CNIH3: variants seen among roughly 807,000 people sequenced by gnomAD.
CNIH3 encodes the protein cornichon family AMPA receptor auxiliary protein 3, also known as protein cornichon homolog 3.
CNIH3 carries 14 observed loss-of-function variants against 24.1 expected under a neutral mutation model. That is an observed-to-expected ratio of 0.58 (90% confidence interval 0.38 to 0.91). The LOEUF (loss-of-function observed/expected upper bound fraction) is 0.91, where lower values mean the gene tolerates loss of function less well. CNIH3 is among the 40% of genes least tolerant of loss of function. The pLI is 0.00. For synonymous variants in CNIH3, 68 were observed against 73.8 expected, an observed-to-expected ratio of 0.92 and a Z score of 0.40; for missense variants, 178 against 196.8, an observed-to-expected ratio of 0.90 and a Z score of 0.57.
intron 3 of CNIH3, among the ~76,000 whole-genome samples, chr1:224,694,519 G>A (rs972563081): frequency 4.6e-5 from 7 of 152,178 alleles, no homozygotes; most frequent in African/African-American, 1.7e-4. Flanking sequence ...CTAGGTCACG[G>A]TGCCTAGATA....
At chr1:224,449,570 A>T (rs1319465146) in intron 1 of CNIH3, among the ~76,000 whole-genome samples, 1 of 151,940 alleles carries the variant, frequency 6.6e-6, no homozygotes, top group Non-Finnish European at 1.5e-5. Context: ...ATCATAGCTC[A>T]CTGCTGGCTT....
At chr1:224,580,771 G>A (rs1204402998) in intron 4 of CNIH3, among the ~76,000 whole-genome samples, 1 of 151,070 alleles carries the variant, frequency 6.6e-6, no homozygotes, top group Non-Finnish European at 1.5e-5. Context: ...AGGTTGCAGT[G>A]GCCACAGCCT....
intron 1 of CNIH3, among the ~76,000 whole-genome samples, chr1:224,659,009 A>G (rs1274076466): frequency 6.6e-6 from 1 of 152,228 alleles, no homozygotes; most frequent in African/African-American, 2.4e-5. Flanking sequence ...CTGGCCTTGC[A>G]TCAGTGTGCT....
chr1:224,653,811 G>A (rs564380743), intron 1 of CNIH3, among the ~76,000 whole-genome samples: 2 of 152,346 alleles, frequency 1.3e-5, no homozygotes, highest in East Asian at 3.9e-4. Flanking sequence ...TGGGCATAGT[G>A]GTGCACACCT....
At chr1:224,541,379 T>C (rs556617466), downstream of CNIH3, among the ~76,000 whole-genome samples, 1 of 152,268 alleles carries the variant, frequency 6.6e-6, no homozygotes, top group African/African-American at 2.4e-5. Context: ...AGGCTTATCA[T>C]ACATGATTAG....
In CNIH3 at chr1:224,711,208, C is replaced by G. The variant is rs139617181; in HGVS notation, c.199-19254C>G. On this transcript the variant is annotated intron_variant, in intron 3 of 5. Coordinates refer to ENST00000272133, the MANE Select transcript of CNIH3 (RefSeq NM_152495.2). Reference sequence around the variant, plus strand: ...AATTAATAACACATTTGTGAGCCATCTACTATCCTTTTTGAAACAAAATGG... The same window carrying G: ...AATTAATAACACATTTGTGAGCCATGTACTATCCTTTTTGAAACAAAATGG... Among the ~76,000 whole-genome samples, 946 of 152,326 alleles carry G rather than the reference C, an allele frequency of 6.2e-3. 31 individuals carry two copies. The highest frequency in any genetic ancestry group is 0.043 in the Admixed American group (658 of 15,304).
At chr1:224,733,388 C>T (rs1394552739) in intron 4 of CNIH3, among the ~76,000 whole-genome samples, 1 of 152,212 alleles carries the variant, frequency 6.6e-6, no homozygotes. Flanking sequence ...ACCACAGTGA[C>T]AGCAAATAGC....
chr1:224,634,155 G>A (rs1445481884), intron 1 of CNIH3, among the ~76,000 whole-genome samples: 1 of 152,242 alleles, frequency 6.6e-6, no homozygotes, highest in Non-Finnish European at 1.5e-5. Context: ...TGGAGGCAGT[G>A]CAGCATGCTT....
In CNIH3 at chr1:224,543,633, G is replaced by C. The variant is rs75724692; in HGVS notation, n.340-3196G>C. On this transcript the variant is annotated intron_variant and non_coding_transcript_variant, in intron 2 of 5. Coordinates refer to the CNIH3 transcript ENST00000471578. ...CACCACCTGCTTAGCACTTCCAAAT[G>C]GTTTTTATTAGACCAGAATAAAACA... Among the ~76,000 whole-genome samples the C allele has an allele frequency of 1.1e-3, 173 of 152,244 alleles. 2 individuals are homozygous for C. In the East Asian group the frequency reaches 0.028, roughly 25 times the overall value.
At chr1:224,724,800 C>G (rs1688929198) in intron 3 of CNIH3, among the ~76,000 whole-genome samples, 2 of 152,054 alleles carry the variant, frequency 1.3e-5, no homozygotes, top group Non-Finnish European at 2.9e-5. Flanking sequence ...AGTCAGGAGA[C>G]TGAATTGAAA....
chr1:224,483,576 TA>T (rs1299410401), intron 1 of CNIH3, among the ~76,000 whole-genome samples: 3 of 151,818 alleles, frequency 2.0e-5, no homozygotes, highest in Non-Finnish European at 4.4e-5. Context: ...TTTTTTTTTT[TA>T]GTAGAGACGA....
At chr1:224,721,733 T>C (rs1688733097) in intron 3 of CNIH3, among the ~76,000 whole-genome samples, 2 of 152,110 alleles carry the variant, frequency 1.3e-5, no homozygotes, top group South Asian at 2.1e-4. Context: ...AAAGTGTCCA[T>C]TGAGACACCA....
At chr1:224,671,501 A>C (rs1685864712) in intron 1 of CNIH3, among the ~76,000 whole-genome samples, 1 of 152,206 alleles carries the variant, frequency 6.6e-6, no homozygotes, top group Non-Finnish European at 1.5e-5. Context: ...TGCATGGCCC[A>C]ATGGAGGAAG....
chr1:224,505,670 A>C (rs1426597869), intron 1 of CNIH3, among the ~76,000 whole-genome samples: 1 of 152,226 alleles, frequency 6.6e-6, no homozygotes, highest in Non-Finnish European at 1.5e-5. Context: ...CCAGAGCTGG[A>C]ATTCAGACTC....
At chr1:224,599,740 T>C (rs1405633184) in intron 3 of CNIH3, among the ~76,000 whole-genome samples, 1 of 152,178 alleles carries the variant, frequency 6.6e-6, no homozygotes, top group Non-Finnish European at 1.5e-5. Flanking sequence ...TTGAATTAAA[T>C]GATTGATTTA....
chr1:224,453,831 C>T (rs762404443), intron 1 of CNIH3, among the ~76,000 whole-genome samples: 1 of 152,030 alleles, frequency 6.6e-6, no homozygotes, highest in Non-Finnish European at 1.5e-5. Flanking sequence ...ATTTTCATAG[C>T]ATTGAGGGGA....
intron 1 of CNIH3, 25 bp from the exon 2 acceptor site, chr1:224,680,933 C>T (rs1179490178): frequency 6.3e-7 from 1 of 1,593,176 alleles, no homozygotes; most frequent in Non-Finnish European, 8.6e-7. Context: ...GCACTAACAC[C>T]TCAAATCTCT....
chr1:224,592,596 CT>C (rs139870952), downstream of CNIH3, among the ~76,000 whole-genome samples: 653 of 152,290 alleles, frequency 4.3e-3, 4 homozygotes, highest in African/African-American at 0.015. Context: ...AAGCTCAGGA[CT>C]TTTAACTTTC....
intron 1 of CNIH3, among the ~76,000 whole-genome samples, chr1:224,496,598 C>T (rs1380065169): frequency 6.6e-6 from 1 of 152,174 alleles, no homozygotes; most frequent in Non-Finnish European, 1.5e-5. Flanking sequence ...CAGGAAGGTG[C>T]TGCTGCTTCA....
Sources: allele counts gnomAD v4.1 joint callset (sites outside exome capture counted in the v4.1 genomes callset), GRCh38; gene constraint gnomAD v4.1.1; transcripts MANE v1.5; gene names NCBI Gene and HGNC (gene_info 2026-07-23, HGNC 2026-07-21).